AMMECR1: variants seen among roughly 807,000 people sequenced by gnomAD.
The protein encoded by AMMECR1 is AMMECR nuclear protein 1.
In AMMECR1, 3 loss-of-function variants were observed where a neutral mutation model predicts 22.5. That is an observed-to-expected ratio of 0.13 (90% CI 0.06 to 0.35). The LOEUF is 0.35. AMMECR1 is among the 10% of genes least tolerant of loss of function. The pLI, the probability that AMMECR1 is intolerant of heterozygous loss-of-function variation, is 1.00. For synonymous variants in AMMECR1, 130 were observed against 116.7 expected (o/e 1.11, Z -0.74); for missense variants, 235 against 278.7 (o/e 0.84, Z 1.12).
chrX:110,273,774 G>A (rs1354048784), intron 1 of AMMECR1, among the ~76,000 whole-genome samples: 5 of 111,933 alleles, frequency 4.5e-5, no homozygotes, highest in Non-Finnish European at 9.4e-5. Flanking sequence ...CTTTGTTGAA[G>A]ATCAGTTGGT....
At position 110,218,911 on chromosome X, in the gene AMMECR1, G is replaced by A. The variant is rs151089896; in HGVS notation, c.585-2279C>T. ...AATCATACAATATATTGCCTTTAGC[G>A]TCTGGCTTCTTTCACTTAGCATATT... On this transcript the variant is annotated intron_variant, in intron 2 of 5. Transcript: ENST00000262844. Among the ~76,000 whole-genome samples the A allele has an allele frequency of 2.8e-3, 313 of 111,432 alleles. 1 individual carries two copies. The highest frequency in any genetic ancestry group is 4.6e-3 in the Non-Finnish European group (241 of 52,822).
chrX:110,400,648 A>C (rs1483919591), intron 2 of AMMECR1, among the ~76,000 whole-genome samples: 2 of 111,333 alleles, frequency 1.8e-5, no homozygotes, highest in Non-Finnish European at 3.8e-5. Context: ...TCTGCCTAAC[A>C]ATTGCTGCTT....
intron 1 of AMMECR1, among the ~76,000 whole-genome samples, chrX:110,296,564 T>G (rs894891243): frequency 8.9e-6 from 1 of 112,034 alleles, no homozygotes; most frequent in Non-Finnish European, 1.9e-5. Context: ...CTACCTTTTT[T>G]CTTTTTTTCC....
intron 2 of AMMECR1, among the ~76,000 whole-genome samples, chrX:110,416,886 C>T (rs749177955): frequency 4.7e-4 from 53 of 111,696 alleles, no homozygotes; most frequent in Non-Finnish European, 7.3e-4. Context: ...AGAGCTGAAC[C>T]TCTCTGAATG....
At chrX:110,198,833 G>C (rs1283746451) in intron 5 of AMMECR1, among the ~76,000 whole-genome samples, 199 bp from the exon 6 acceptor site, 2 of 111,463 alleles carry the variant, frequency 1.8e-5, no homozygotes, top group Non-Finnish European at 3.8e-5. Flanking sequence ...TCTGAGTCCA[G>C]TGCTCTTTGC....
chrX:110,432,759 C>T (rs944285413), intron 1 of AMMECR1, among the ~76,000 whole-genome samples: 1 of 112,418 alleles, frequency 8.9e-6, no homozygotes, highest in African/African-American at 3.2e-5. Context: ...TCCCTGCTCT[C>T]TCTTTCCCCA....
At chrX:110,370,520 C>A (rs2068331024) in intron 2 of AMMECR1, among the ~76,000 whole-genome samples, 1 of 112,529 alleles carries the variant, frequency 8.9e-6, no homozygotes, top group Non-Finnish European at 1.9e-5. Flanking sequence ...ATTCTCTCTT[C>A]TTTATGTTAG....
chrX:110,214,644 CCT>C (rs1376406009), intron 3 of AMMECR1, among the ~76,000 whole-genome samples: 6 of 111,877 alleles, frequency 5.4e-5, no homozygotes, highest in Admixed American at 9.5e-5. Flanking sequence ...TGTATTCTCC[CCT>C]TTTTCCTTCC....
At chrX:110,202,316 T>C (rs773315953) in intron 4 of AMMECR1, 130 bp downstream of exon 4, 16 of 482,883 alleles carry the variant, frequency 3.3e-5, no homozygotes, top group Non-Finnish European at 5.6e-5. Context: ...GTGGCAGTGA[T>C]GGAAGAGTCA....
intron 2 of AMMECR1, among the ~76,000 whole-genome samples, chrX:110,393,937 G>A (rs773850606): frequency 8.9e-6 from 1 of 112,391 alleles, no homozygotes; most frequent in South Asian, 3.7e-4. Flanking sequence ...AGTACACAAT[G>A]ACCATACGAA....
At chrX:110,259,866 A>G (rs1262907703) in intron 2 of AMMECR1, among the ~76,000 whole-genome samples, 1 of 111,190 alleles carries the variant, frequency 9.0e-6, no homozygotes, top group African/African-American at 3.3e-5. Context: ...TACAGGCGTG[A>G]GCCACCGCGC....
rs1461884287 is a variant in AMMECR1 at position 110,317,484 on chromosome X, C to A, written c.473+115G>T. On this transcript the variant is annotated intron_variant, in intron 1 of 5. Transcript: ENST00000262844. ...GTTCAGTTGAGTAGCTCCGGGGACC[C>A]GGGCAGCGAGAGGGCAGGGGCATCC... The A allele has an allele frequency of 7.5e-6, 8 of 1,062,171 alleles. No individual in the cohort carries two copies. The East Asian group carries it at 2.4e-4, about 32-fold the overall frequency. 87.5% of individuals were successfully genotyped at this position (1,062,171 alleles called of 1,213,427 possible). A position where few individuals can be genotyped will look rare whatever the true frequency, so the allele number is the denominator to read the frequency against.
At chrX:110,419,603 T>C in intron 2 of AMMECR1, among the ~76,000 whole-genome samples, 1 of 111,942 alleles carries the variant, frequency 8.9e-6, no homozygotes, top group Non-Finnish European at 1.9e-5. Flanking sequence ...TCCTCTAGAG[T>C]GGTGCTTGGC....
chrX:110,382,362 A>C (rs1375511581), intron 2 of AMMECR1, among the ~76,000 whole-genome samples: 1 of 111,344 alleles, frequency 9.0e-6, no homozygotes, highest in Non-Finnish European at 1.9e-5. Flanking sequence ...ACCACCACCA[A>C]CAATAAGAAA....
intron 1 of AMMECR1, among the ~76,000 whole-genome samples, chrX:110,282,267 A>T (rs73250296): frequency 0.049 from 5,222 of 106,320 alleles, 123 homozygotes; most frequent in Non-Finnish European, 0.074. Context: ...ACCTCAGATT[A>T]AAAAAAAAAA....
chrX:110,324,583 G>A (rs2068090680), intron 2 of AMMECR1, among the ~76,000 whole-genome samples: 2 of 109,431 alleles, frequency 1.8e-5, no homozygotes, highest in African/African-American at 6.7e-5. Flanking sequence ...TATGATGTTA[G>A]CTGTGAGTTT....
At chrX:110,388,583 C>G (rs747923505) in intron 2 of AMMECR1, among the ~76,000 whole-genome samples, 1 of 112,089 alleles carries the variant, frequency 8.9e-6, no homozygotes, top group Non-Finnish European at 1.9e-5. Flanking sequence ...TTATTTAAAG[C>G]CTTGCCTTAG....
intron 5 of AMMECR1, 87 bp downstream of exon 5, chrX:110,200,867 G>C: frequency 6.2e-6 from 4 of 647,011 alleles, no homozygotes; most frequent in Non-Finnish European, 7.3e-6. Context: ...AAGAAGTGTA[G>C]TTAGAGAGAC....
At chrX:110,373,783 G>A (rs770266986) in intron 2 of AMMECR1, among the ~76,000 whole-genome samples, 11 of 111,530 alleles carry the variant, frequency 9.9e-5, no homozygotes, top group South Asian at 3.7e-4. Context: ...AACTTTCCTC[G>A]GTGTGTGTAC....
Sources: allele counts gnomAD v4.1 joint callset (sites outside exome capture counted in the v4.1 genomes callset), GRCh38; gene constraint gnomAD v4.1.1; transcripts MANE v1.5; gene names NCBI Gene and HGNC (gene_info 2026-07-23, HGNC 2026-07-21).